The following PCDHA10 variants were observed in gnomAD, a reference collection of about 807,000 sequenced individuals.
PCDHA10 encodes the protein protocadherin alpha-10.
In PCDHA10, 45 loss-of-function variants were observed where a neutral mutation model predicts 61.2. That is an observed-to-expected ratio of 0.74 (90% CI 0.58 to 0.94). The LOEUF is 0.94. Among genes scored for constraint, PCDHA10 ranks in the 40% least tolerant of loss-of-function variants. The pLI, the probability that PCDHA10 is intolerant of heterozygous loss-of-function variation, is 0.00. For synonymous variants in PCDHA10, 602 were observed against 548.8 expected (o/e 1.10, Z -1.35); for missense variants, 1,278 against 1,236.2 (o/e 1.03, Z -0.51).
At chr5:140,871,075 C>A in intron 1 of PCDHA10, 1 of 1,613,242 alleles carries the variant, frequency 6.2e-7, no homozygotes. Context: ...TGAGCCGGCG[C>A]TGACGGCCAC....
rs530453384 is a variant in PCDHA10, at chr5:140,891,358, GA to G, written c.2388+32923del. Among the ~76,000 whole-genome samples the G allele has an allele frequency of 3.0e-3, 462 of 152,158 alleles. 1 individual carries two copies. Among genetic ancestry groups the G allele is most frequent in the Non-Finnish European group, 4.7e-3 (320 of 67,992 alleles). On this transcript the variant is annotated intron_variant, in intron 1 of 3. Transcript: ENST00000307360. ...TGAGATTTTGGTGCATCCATCACCT[GA>G]GCAGTATACATTGCACCATATTTGC...
At chr5:140,932,491 T>C (rs1041440008) in intron 1 of PCDHA10, among the ~76,000 whole-genome samples, 11 of 151,918 alleles carry the variant, frequency 7.2e-5, no homozygotes, top group Non-Finnish European at 1.6e-4. Flanking sequence ...CTCTTTGCAA[T>C]GTCATTTGTT....
rs782489417 is a variant in PCDHA10, at chr5:140,927,802, A to C, written c.2389-51147A>C. 6.2e-6 allele frequency: 10 copies of C among 1,614,148 alleles called. No homozygotes were observed. The East Asian group carries it at 2.0e-4, about 32-fold the overall frequency. On this transcript the variant is annotated intron_variant, in intron 1 of 3. Transcript: ENST00000307360. ...AGCTGCTTCACTAGGTCCGCCTGAA[A>C]CGCTCTTGGAGGCATACATTGAGGC...
At chr5:140,889,763 T>C (rs2062377523) in intron 1 of PCDHA10, among the ~76,000 whole-genome samples, 1 of 152,192 alleles carries the variant, frequency 6.6e-6, no homozygotes, top group African/African-American at 2.4e-5. Context: ...TCCTTGAACT[T>C]TGACTGGTCT....
rs1563652468 is a variant in PCDHA10 at position 141,000,419 on chromosome 5, A to AT, written c.2537-9207dup. The stretch of plus-strand genomic sequence containing the variant: ...TCTATATATATATATATATATATAT[A>AT]TATTTTTTTTTTTTTTTTTTTTTTT... On this transcript the variant is annotated intron_variant, in intron 3 of 3. Transcript: ENST00000307360. 4.4e-3 allele frequency among the ~76,000 whole-genome samples: 271 copies of AT among 60,978 alleles called. 1 individual carries two copies. The highest frequency in any genetic ancestry group is 5.9e-3 in the Non-Finnish European group (210 of 35,644). The allele number at this position is 60,978 out of a possible 152,430, so 40.0% of individuals were successfully genotyped here.
At chr5:140,960,446 T>C (rs1563310715) in intron 1 of PCDHA10, among the ~76,000 whole-genome samples, 2 of 152,204 alleles carry the variant, frequency 1.3e-5, no homozygotes, top group African/African-American at 4.8e-5. Context: ...GATATATGTA[T>C]GGATAATTTT....
Position 140,863,355 on chromosome 5 carries a change from G to A in PCDHA10, c.2388+4919G>A, listed in dbSNP as rs541699808. ...TCACGTTGCTGCTGTACACGACGCT[G>A]CGGTGCTTGGCGCAGCTCACCGAGA... On this transcript the variant is annotated intron_variant, in intron 1 of 3. Coordinates refer to ENST00000307360, the MANE Select transcript of PCDHA10 (RefSeq NM_018901.4). 8 of 1,264,220 alleles carry A rather than the reference G, an allele frequency of 6.3e-6. No homozygotes were observed. In the Admixed American group the frequency reaches 1.3e-4, roughly 20 times the overall value. 78.3% of individuals were successfully genotyped at this position (1,264,220 alleles called of 1,614,324 possible).
intron 3 of PCDHA10, among the ~76,000 whole-genome samples, chr5:140,988,308 G>A (rs75602297): frequency 6.6e-6 from 1 of 152,298 alleles, no homozygotes; most frequent in East Asian, 1.9e-4. Flanking sequence ...TGCCAGCTTG[G>A]CTTGGCTTTC....
intron 1 of PCDHA10, chr5:140,883,833 C>G: frequency 6.2e-7 from 1 of 1,612,590 alleles, no homozygotes; most frequent in Non-Finnish European, 8.5e-7. Flanking sequence ...GCGCTGCAGC[C>G]GTTGGACCAC....
At chr5:140,996,082 T>A (rs782553216) in intron 3 of PCDHA10, among the ~76,000 whole-genome samples, 6 of 152,248 alleles carry the variant, frequency 3.9e-5, no homozygotes, top group Non-Finnish European at 7.3e-5. Context: ...AAGATGTTTT[T>A]GCTAGATTAC....
intron 1 of PCDHA10, among the ~76,000 whole-genome samples, chr5:140,891,498 G>C (rs566885852): frequency 6.6e-6 from 1 of 151,186 alleles, no homozygotes; most frequent in East Asian, 1.9e-4. Flanking sequence ...CATATCCTCA[G>C]CTATAATGTT....
chr5:140,875,290 A>T (rs1321351883), intron 1 of PCDHA10: 20 of 1,396,906 alleles, frequency 1.4e-5, no homozygotes, highest in East Asian at 7.6e-5. Context: ...AAACAGGAAA[A>T]TTTTTTTCTC....
chr5:140,856,729 G>A lies in PCDHA10; in HGVS notation c.681G>A (p.Leu227=), dbSNP rs1554149028. 1 of 1,595,444 alleles carries A rather than the reference G, an allele frequency of 6.3e-7. No homozygotes were observed. The highest frequency in any genetic ancestry group is 1.3e-5 in the African/African-American group (1 of 74,232). ...GKPEFTGSVS[L]LILVLDANDN... ...CTGAATTTACCGGATCTGTTTCTCT[G>A]CTGATCCTGGTGTTAGATGCCAATG... The change falls in exon 1 of 4, where the codon CTG becomes CTA. Residue 227 remains leucine (L), a synonymous_variant. Transcript: ENST00000307360.
chr5:140,961,234 G>A (rs2095598781), intron 1 of PCDHA10, among the ~76,000 whole-genome samples: 1 of 152,180 alleles, frequency 6.6e-6, no homozygotes, highest in South Asian at 2.1e-4. Context: ...CCAAAAAGGT[G>A]ATGGAATTTA....
chr5:140,901,244 T>C (rs1166862455), intron 1 of PCDHA10, among the ~76,000 whole-genome samples: 3 of 152,212 alleles, frequency 2.0e-5, no homozygotes, highest in Non-Finnish European at 4.4e-5. Context: ...TTTTTTCCTT[T>C]GGTTCCCTGT....
chr5:140,957,076 A>C (rs1554222802), intron 1 of PCDHA10, among the ~76,000 whole-genome samples: 1 of 152,174 alleles, frequency 6.6e-6, no homozygotes, highest in Non-Finnish European at 1.5e-5. Context: ...AGGGCTTTTT[A>C]TTAAGGAAAA....
At chr5:140,975,236 T>A (rs562846037) in intron 1 of PCDHA10, among the ~76,000 whole-genome samples, 84 of 152,334 alleles carry the variant, frequency 5.5e-4, no homozygotes, top group African/African-American at 1.9e-3. Context: ...TCACATGGAA[T>A]CCCTCTTATG....
intron 1 of PCDHA10, among the ~76,000 whole-genome samples, chr5:140,885,485 TTC>T (rs1412041657): frequency 1.3e-5 from 2 of 152,188 alleles, no homozygotes; most frequent in Admixed American, 6.5e-5. Context: ...GTGTCAAGTG[TTC>T]TGTTATCTTC....
At chr5:140,862,905 G>A in intron 1 of PCDHA10, 2 of 551,590 alleles carry the variant, frequency 3.6e-6, no homozygotes, top group Non-Finnish European at 7.0e-6. Context: ...TGTCTGCGCT[G>A]CTGGCGCCTT....
Sources: gnomAD v4.1 joint callset for allele counts (sites outside exome capture counted in the v4.1 genomes callset) on GRCh38, gnomAD v4.1.1 for gene constraint, MANE v1.5 for transcripts, NCBI Gene and HGNC (gene_info 2026-07-23, HGNC 2026-07-21) for gene names.